GRM4: variants seen among roughly 807,000 people sequenced by gnomAD.
The protein encoded by GRM4 is glutamate metabotropic receptor 4.
A neutral mutation model predicts 81.7 loss-of-function variants in GRM4; 28 were observed. The observed-to-expected ratio is 0.34, with a 90% CI of 0.25 to 0.47. The LOEUF (loss-of-function observed/expected upper bound fraction) is 0.47. GRM4 is among the 20% of genes least tolerant of loss of function. GRM4 has a pLI of 1.00. For missense variants in GRM4, 948 were observed against 1,290.0 expected (o/e 0.73, Z 4.06); for synonymous variants, 488 against 528.8 (o/e 0.92, Z 1.06).
rs452752 is a variant in GRM4 at position 34,132,992 on chromosome 6, G to A, written c.505C>T (p.Leu169Phe). ...SSVSIMVANILRLFKIPQISY... is the reference protein window; with the variant it reads ...SSVSIMVANIFRLFKIPQISY... ...AAGGCACTGACCTTGAAGAGGCGAA[G>A]GATGTTGGCCACCATGATGGAGACC... The change falls in exon 2 of 11, where the codon CTT becomes TTT. Residue 169 changes from leucine (L) to phenylalanine (F), a missense_variant. Leu to Phe is a conservative substitution (Grantham distance 22). Coordinates refer to ENST00000538487, the MANE Select transcript of GRM4 (RefSeq NM_000841.4). 1 of 1,604,558 alleles carries A rather than the reference G, an allele frequency of 6.2e-7. No homozygotes were observed. The highest frequency in any genetic ancestry group is 8.5e-7 in the Non-Finnish European group (1 of 1,174,348).
At chr6:34,091,088 C>T (rs1170876935) in intron 3 of GRM4, among the ~76,000 whole-genome samples, 1 of 152,178 alleles carries the variant, frequency 6.6e-6, no homozygotes, top group Non-Finnish European at 1.5e-5. Flanking sequence ...CTGCCTGCTG[C>T]CCCAAGATGC....
Position 34,133,688 on chromosome 6 carries a change from A to C in GRM4, c.-192T>G. ...TCGGGCCAAGCACAGTTGCCCGCAC[A>C]GTCCAGGCCCACAGACAGCAGGCAG... is the stretch of plus-strand genomic sequence containing the variant. On this transcript the variant is annotated 5_prime_UTR_variant, in exon 2 of 11. Transcript: ENST00000538487. This position sits in a 1 kb window ranked among gnomAD's most constrained non-coding sequence, Gnocchi z 6.5. 1 of 1,349,214 alleles carries C rather than the reference A, an allele frequency of 7.4e-7. No homozygotes were observed. Among genetic ancestry groups the C allele is most frequent in the Non-Finnish European group, 9.5e-7 (1 of 1,056,550 alleles). The allele number at this position is 1,349,214 out of a possible 1,614,324, so 83.6% of individuals were successfully genotyped here.
chr6:34,123,129 G>T (rs551560317), intron 2 of GRM4, among the ~76,000 whole-genome samples: 1 of 152,174 alleles, frequency 6.6e-6, no homozygotes, highest in Non-Finnish European at 1.5e-5. Context: ...GCAGAGGCAG[G>T]CCCCAAAAGC....
chr6:34,029,983 GAC>G (rs1274709094), intron 9 of GRM4, among the ~76,000 whole-genome samples: 2 of 152,214 alleles, frequency 1.3e-5, no homozygotes, highest in Admixed American at 6.5e-5. Context: ...TGCCGCTCCA[GAC>G]ACAGACAGGC....
chr6:34,138,356 T>G (rs1476186724), intron 1 of GRM4, among the ~76,000 whole-genome samples: 1 of 152,188 alleles, frequency 6.6e-6, no homozygotes, highest in Non-Finnish European at 1.5e-5. Flanking sequence ...TCATCTCCAT[T>G]CACCTTTGTC....
intron 2 of GRM4, among the ~76,000 whole-genome samples, chr6:34,116,590 TG>T (rs1305032789): frequency 7.2e-5 from 11 of 152,160 alleles, no homozygotes; most frequent in African/African-American, 2.4e-4. Context: ...ACAGTCTCTT[TG>T]GGAAAATGAT....
chr6:34,075,243 C>T (rs961777637), intron 3 of GRM4, among the ~76,000 whole-genome samples: 9 of 152,160 alleles, frequency 5.9e-5, no homozygotes, highest in Admixed American at 5.9e-4. Flanking sequence ...GGACAAGGCC[C>T]CCAAGTTTCT....
chr6:34,123,055 A>G (rs1268846044), intron 2 of GRM4, among the ~76,000 whole-genome samples: 1 of 152,148 alleles, frequency 6.6e-6, no homozygotes, highest in African/African-American at 2.4e-5. Context: ...AAGCCTGCCT[A>G]ATCCTGTGCT....
At chr6:34,072,892 CAGAT>C (rs1767034800) in intron 3 of GRM4, among the ~76,000 whole-genome samples, 2 of 50,272 alleles carry the variant, frequency 4.0e-5, no homozygotes, top group African/African-American at 2.1e-4. Context: ...CATCATCACA[CAGAT>C]ACCACACACA....
chr6:34,066,041 G>T (rs1471861262), intron 3 of GRM4, among the ~76,000 whole-genome samples: 1 of 152,048 alleles, frequency 6.6e-6, no homozygotes, highest in Non-Finnish European at 1.5e-5. Flanking sequence ...ACCGACTTAT[G>T]CTTGGCCCCA....
At chr6:34,108,116 T>C (rs1202089331) in intron 2 of GRM4, among the ~76,000 whole-genome samples, 1 of 152,176 alleles carries the variant, frequency 6.6e-6, no homozygotes, top group African/African-American at 2.4e-5. Flanking sequence ...GCCCAGAGCA[T>C]GAGGAGAAGG....
At chr6:34,054,509 C>T (rs2127457519) in intron 6 of GRM4, 1 of 152,522 alleles carries the variant, frequency 6.6e-6, no homozygotes, top group African/African-American at 2.4e-5. Flanking sequence ...CCTTCCCCAC[C>T]TGAGCTGACA....
chr6:34,106,684 G>A (rs552016624), intron 2 of GRM4, among the ~76,000 whole-genome samples: 4 of 152,226 alleles, frequency 2.6e-5, no homozygotes, highest in African/African-American at 7.2e-5. Flanking sequence ...TTTCATTCAC[G>A]CATCTAGTGA....
At chr6:34,131,990 CACAG>C (rs1357407612) in intron 2 of GRM4, among the ~76,000 whole-genome samples, 1 of 152,148 alleles carries the variant, frequency 6.6e-6, no homozygotes, top group African/African-American at 2.4e-5. Flanking sequence ...CACACACACA[CACAG>C]AGCAAACAAG....
At chr6:34,029,099 C>T (rs1395581789) in intron 9 of GRM4, among the ~76,000 whole-genome samples, 2 of 152,214 alleles carry the variant, frequency 1.3e-5, no homozygotes, top group Non-Finnish European at 2.9e-5. Context: ...CCACTGTCCC[C>T]GTCTGGGATT....
At chr6:34,109,133 G>A (rs774540953) in intron 2 of GRM4, among the ~76,000 whole-genome samples, 12 of 152,306 alleles carry the variant, frequency 7.9e-5, no homozygotes, top group Non-Finnish European at 1.5e-4. Flanking sequence ...CTTCCTTGCT[G>A]CTGCCTGGCC....
chr6:34,152,417 C>G lies in GRM4; in HGVS notation c.312+2662G>C, dbSNP rs1340256946. Among the ~76,000 whole-genome samples the G allele has an allele frequency of 6.6e-6, 1 of 152,200 alleles. No homozygotes were observed. The highest frequency in any genetic ancestry group is 1.5e-5 in the Non-Finnish European group (1 of 68,030). ...TCTGGTCCTGGGGCTGAGGTCACAGCTGCACTGCCCCCAACTCTGTCCTCC... is the reference window on the plus strand; with the variant it reads ...TCTGGTCCTGGGGCTGAGGTCACAGGTGCACTGCCCCCAACTCTGTCCTCC... On this transcript the variant is annotated intron_variant, in intron 1 of 8. Transcript: ENST00000374177. This position sits in a 1 kb window ranked among gnomAD's most constrained non-coding sequence, Gnocchi z 4.1.
intron 2 of GRM4, among the ~76,000 whole-genome samples, chr6:34,103,044 G>T (rs1448761895): frequency 6.6e-6 from 1 of 152,120 alleles, no homozygotes; most frequent in Admixed American, 6.5e-5. Context: ...CCCTCCCTCT[G>T]GCATCCCTCA....
intron 1 of GRM4, among the ~76,000 whole-genome samples, chr6:34,154,470 T>A (rs1353848552): frequency 6.6e-6 from 1 of 152,150 alleles, no homozygotes; most frequent in Non-Finnish European, 1.5e-5. Flanking sequence ...AAGGAATGTG[T>A]CCCTTCCCAC....
Sources: gnomAD v4.1 joint callset for allele counts (sites outside exome capture counted in the v4.1 genomes callset) on GRCh38, gnomAD v4.1.1 for gene constraint, Gnocchi (gnomAD v3.1) non-coding constraint, MANE v1.5 for transcripts, NCBI Gene and HGNC (gene_info 2026-07-23, HGNC 2026-07-21) for gene names.